Variants in DET1 observed in about 807,000 individuals in gnomAD.
The protein encoded by DET1 is DET1 homolog.
DET1 carries 22 observed loss-of-function variants against 43.7 expected under a neutral mutation model. The observed-to-expected ratio is 0.50, with a 90% CI of 0.36 to 0.72. The LOEUF (loss-of-function observed/expected upper bound fraction) is 0.72, where lower values mean the gene tolerates loss of function less well. Ranked by LOEUF, DET1 falls within the 30% of genes least tolerant of loss-of-function variation. The pLI is 0.00. For synonymous variants in DET1, 315 were observed against 266.2 expected, an observed-to-expected ratio of 1.18 and a Z score of -1.79; for missense variants, 713 against 713.3, an observed-to-expected ratio of 1.00 and a Z score of 0.00.
chr15:88,543,607 G>A (rs777363831), intron 1 of DET1, among the ~76,000 whole-genome samples: 4 of 152,218 alleles, frequency 2.6e-5, no homozygotes, highest in Non-Finnish European at 5.9e-5. Context: ...ATGAAAGGCC[G>A]GTGCAGCTGT....
At chr15:88,512,404 C>G (rs560297155), downstream of DET1, 2 of 985,462 alleles carry the variant, frequency 2.0e-6, no homozygotes, top group Non-Finnish European at 2.4e-6. Flanking sequence ...ATCTCTTTCA[C>G]AGTCCTTCCT....
chr15:88,521,528 CTA>C (rs1311689349), intron 3 of DET1, among the ~76,000 whole-genome samples: 1 of 152,194 alleles, frequency 6.6e-6, no homozygotes, highest in Non-Finnish European at 1.5e-5. Flanking sequence ...CAGTGTCAGA[CTA>C]TTTCCTACAT....
intron 3 of DET1, among the ~76,000 whole-genome samples, chr15:88,522,885 T>C (rs953219675): frequency 3.7e-5 from 5 of 135,254 alleles, no homozygotes; most frequent in Non-Finnish European, 7.6e-5. Context: ...TTTTTCTTCT[T>C]CTTTTTTTTT....
At chr15:88,542,500 GA>G (rs1567076613) in intron 1 of DET1, among the ~76,000 whole-genome samples, 1 of 152,122 alleles carries the variant, frequency 6.6e-6, no homozygotes, top group Non-Finnish European at 1.5e-5. Flanking sequence ...GGTGGCTCCC[GA>G]AAATAGCCAC....
intron 1 of DET1, among the ~76,000 whole-genome samples, chr15:88,541,987 G>C (rs979415395): frequency 6.6e-6 from 1 of 152,148 alleles, no homozygotes; most frequent in Non-Finnish European, 1.5e-5. Flanking sequence ...TCCTCCAGGT[G>C]ATGAGCGCTC....
Position 88,512,506 on chromosome 15 carries a change from A to G in DET1, c.*445T>C, listed in dbSNP as rs1344085416. On this transcript the variant is annotated 3_prime_UTR_variant, in exon 5 of 5. Coordinates refer to ENST00000268148, the MANE Select transcript of DET1 (RefSeq NM_001144074.3). ...TTAAGTATGAAAATACCATGGCTTT[A>G]TTTTTCTCTTAAAAAGATAGCCGTG... The G allele has an allele frequency of 5.1e-6, 5 of 987,306 alleles. No homozygotes were observed. Among genetic ancestry groups the G allele is most frequent in the Non-Finnish European group, 6.0e-6 (5 of 831,078 alleles). 61.2% of individuals were successfully genotyped at this position (987,306 alleles called of 1,614,324 possible). A position where few individuals can be genotyped will look rare whatever the true frequency, so the allele number is the denominator to read the frequency against.
intron 3 of DET1, among the ~76,000 whole-genome samples, chr15:88,522,329 C>T (rs2056512722): frequency 6.6e-6 from 1 of 152,098 alleles, no homozygotes; most frequent in Non-Finnish European, 1.5e-5. Context: ...GTGTTCTCCA[C>T]TGCTTCTTCA....
intron 2 of DET1, among the ~76,000 whole-genome samples, chr15:88,528,634 C>A (rs566564646): frequency 3.2e-4 from 48 of 152,316 alleles, no homozygotes; most frequent in Non-Finnish European, 5.3e-4. Context: ...CTCTGCCTAA[C>A]AAGGAAGCTC....
downstream of DET1, among the ~76,000 whole-genome samples, chr15:88,509,399 T>G (rs1260139202): frequency 1.3e-5 from 2 of 152,198 alleles, no homozygotes; most frequent in African/African-American, 4.8e-5. Flanking sequence ...ATAAGGAAAG[T>G]CTTACAATGT....
At chr15:88,544,314 T>C (rs1305761484) in intron 1 of DET1, among the ~76,000 whole-genome samples, 3 of 152,212 alleles carry the variant, frequency 2.0e-5, no homozygotes, top group Non-Finnish European at 4.4e-5. Context: ...TAAGTCTCCT[T>C]CCTTTAGCCC....
downstream of DET1, chr15:88,512,254 A>G (rs1015466059): frequency 5.7e-6 from 4 of 703,318 alleles, no homozygotes; most frequent in African/African-American, 1.9e-5. Context: ...AGGATGTGCA[A>G]TTACACCCAG....
Position 88,530,756 on chromosome 15 carries a change from C to T in DET1, c.950G>A (p.Arg317Lys). Reference sequence around the variant, plus strand: ...TTGGTCAAAATACTGGAAGAAGCGCCTCTTGGCCATTGCACTACCATCCTG... The same window carrying T: ...TTGGTCAAAATACTGGAAGAAGCGCTTCTTGGCCATTGCACTACCATCCTG... Reference protein sequence around the residue: ...AEQDGSAMAKRRFFQYFDQLR... With the variant: ...AEQDGSAMAKKRFFQYFDQLR... Residue 317 changes from arginine (R) to lysine (K), a missense_variant, in exon 2 of 5, where the codon AGG becomes AAG. Coordinates refer to ENST00000268148, the MANE Select transcript of DET1 (RefSeq NM_001144074.3). 1.2e-6 allele frequency: 2 copies of T among 1,613,960 alleles called. No individual in the cohort carries two copies. Among genetic ancestry groups the T allele is most frequent in the Non-Finnish European group, 8.5e-7 (1 of 1,179,866 alleles).
intron 1 of DET1, among the ~76,000 whole-genome samples, chr15:88,538,577 G>A (rs914042157): frequency 9.2e-5 from 14 of 152,184 alleles, no homozygotes; most frequent in Admixed American, 4.6e-4. Flanking sequence ...CTCGGTCACC[G>A]GCTAGTAAAG....
chr15:88,518,171 G>A (rs2056397970), intron 3 of DET1, among the ~76,000 whole-genome samples: 1 of 150,792 alleles, frequency 6.6e-6, no homozygotes, highest in Non-Finnish European at 1.5e-5. Flanking sequence ...TCAACTCCTG[G>A]CCTCAAGCGA....
In DET1 at chr15:88,517,016, AC is replaced by A. The variant is rs1166144589; in HGVS notation, c.1272-44del. On this transcript the variant is annotated intron_variant, in intron 3 of 4. Transcript: ENST00000268148. ...TGAGGAAGGCTTTGTTAGTGAGTAC[AC>A]AAAGCTGTCTTGAATTTTAAATTGA... 3 of 1,426,120 alleles carry A rather than the reference AC, an allele frequency of 2.1e-6. No individual in the cohort carries two copies. The African/African-American group carries it at 4.4e-5, about 21-fold the overall frequency. 88.3% of individuals were successfully genotyped at this position (1,426,120 alleles called of 1,614,324 possible).
chr15:88,506,476 C>T (rs1290404571), intron 7 of DET1, among the ~76,000 whole-genome samples: 4 of 149,574 alleles, frequency 2.7e-5, no homozygotes, highest in African/African-American at 9.9e-5. Context: ...AGGGTATATA[C>T]TGAGCAGATA....
In DET1 at chr15:88,528,737, T is replaced by C. The variant is rs2056734509; in HGVS notation, c.1084-951A>G. 2.6e-5 allele frequency among the ~76,000 whole-genome samples: 4 copies of C among 152,204 alleles called. No homozygotes were observed. The South Asian group carries it at 8.3e-4, about 32-fold the overall frequency. On this transcript the variant is annotated intron_variant, in intron 2 of 4. Coordinates refer to ENST00000268148, the MANE Select transcript of DET1 (RefSeq NM_001144074.3). ...GAAGTTCTCAGACCACTAGGATTAG[T>C]ACTCCAGCCTCCTATGATTGAGTTT...
chr15:88,540,574 C>A (rs1446500530), intron 1 of DET1, among the ~76,000 whole-genome samples: 2 of 151,820 alleles, frequency 1.3e-5, no homozygotes, highest in Non-Finnish European at 2.9e-5. Flanking sequence ...CAAGAGAGAT[C>A]AGATTGTTAC....
chr15:88,508,960 C>G (rs1469902368), downstream of DET1, among the ~76,000 whole-genome samples: 1 of 152,126 alleles, frequency 6.6e-6, no homozygotes, highest in Non-Finnish European at 1.5e-5. Flanking sequence ...TTTTGAAAAG[C>G]CACAAGGAGA....
Sources: gnomAD v4.1 joint callset for allele counts (sites outside exome capture counted in the v4.1 genomes callset) on GRCh38, gnomAD v4.1.1 for gene constraint, MANE v1.5 for transcripts, NCBI Gene and HGNC (gene_info 2026-07-23, HGNC 2026-07-21) for gene names.